The following RECK variants were observed in gnomAD, a reference collection of about 807,000 sequenced individuals.
The protein encoded by RECK is reversion inducing cysteine rich protein with kazal motifs.
RECK carries 69 observed loss-of-function variants against 115.1 expected under a neutral mutation model. The ratio of observed to expected loss-of-function variants is 0.60; its 90% confidence interval spans 0.49 to 0.73. The LOEUF is 0.73. Among genes scored for constraint, RECK ranks in the 30% least tolerant of loss-of-function variants. The probability of loss-of-function intolerance (pLI) is 0.00; values close to 1 mark genes in which losing one functional copy is unlikely to be tolerated. For missense variants in RECK, 1,047 were observed against 1,203.7 expected (o/e 0.87, Z 1.93); for synonymous variants, 414 against 419.7 (o/e 0.99, Z 0.17).
chr9:36,117,141 A>G lies in RECK; in HGVS notation c.2217A>G (p.Gln739=). 1.2e-6 allele frequency: 2 copies of G among 1,613,222 alleles called. No individual in the cohort carries two copies. Among genetic ancestry groups the G allele is most frequent in the Non-Finnish European group, 1.7e-6 (2 of 1,179,442 alleles). The change falls in exon 17 of 21, where the codon CAA becomes CAG. Residue 739 remains glutamine, a synonymous_variant. Coordinates refer to ENST00000377966, the MANE Select transcript of RECK (RefSeq NM_021111.3). The part of the protein sequence containing the change: ...MEHNNLCTLY[Q]RGKSLSYKGP... ...ACAACAATCTCTGCACTTTATACCAAAGAGGAAAAAGCCTCTCTTACAAAG... is the reference window on the plus strand; with the variant it reads ...ACAACAATCTCTGCACTTTATACCAGAGAGGAAAAAGCCTCTCTTACAAAG...
rs1018798695 is a variant in RECK, at chr9:36,118,927, T to G, written c.2424T>G (p.Pro808=). The G allele has an allele frequency of 1.2e-6, 2 of 1,613,090 alleles. No homozygotes were observed. The highest frequency in any genetic ancestry group is 1.3e-5 in the African/African-American group (1 of 74,888). The change falls in exon 18 of 21, where the codon CCT becomes CCG. Residue 808 remains proline (P), a synonymous_variant. Transcript: ENST00000377966. ...CCGAGTGTGCTTCTGTCAAGTGTCCTTCGCTCTTGGCAGCTGGATGCAAAC... is the reference window on the plus strand; with the variant it reads ...CCGAGTGTGCTTCTGTCAAGTGTCCGTCGCTCTTGGCAGCTGGATGCAAAC... ...SVAECASVKC[P]SLLAAGCKPI...
At chr9:36,062,057 T>C (rs1821793359) in intron 4 of RECK, among the ~76,000 whole-genome samples, 2 of 152,168 alleles carry the variant, frequency 1.3e-5, no homozygotes, top group Admixed American at 1.3e-4. Context: ...ATGTTTTACA[T>C]AGAAGCAGCA....
At position 36,102,247 on chromosome 9, in the gene RECK, A is replaced by G. The variant is rs1330615912; in HGVS notation, c.1435+17A>G. 6.3e-7 allele frequency: 1 copy of G among 1,580,616 alleles called. No individual in the cohort carries two copies. The highest frequency in any genetic ancestry group is 2.3e-5 in the East Asian group (1 of 44,370). ...CATACCTCAGTAAGTACTTTTTTGT[A>G]TGTGTGTTTTTAGATTTCAAATACT... On this transcript the variant is annotated intron_variant, in intron 12 of 20. Transcript: ENST00000377966.
At chr9:36,083,203 C>T (rs963048304) in intron 7 of RECK, among the ~76,000 whole-genome samples, 162 bp from the exon 8 acceptor site, 2 of 152,130 alleles carry the variant, frequency 1.3e-5, no homozygotes, top group African/African-American at 2.4e-5. Context: ...TGAATGTCCC[C>T]GTGAGTATAC....
chr9:36,105,552 C>T (rs911202670), intron 13 of RECK, among the ~76,000 whole-genome samples: 1 of 152,074 alleles, frequency 6.6e-6, no homozygotes, highest in Non-Finnish European at 1.5e-5. Flanking sequence ...TAATAACAGT[C>T]TAAAACTTGA....
intron 1 of RECK, among the ~76,000 whole-genome samples, chr9:36,048,127 A>ATATATATATATATATATATATATC (rs1821143536): frequency 2.3e-4 from 1 of 4,352 alleles, no homozygotes; most frequent in East Asian, 8.3e-3. Flanking sequence ...CACAGGTTGA[A>ATATATATATATATATATATATATC]TATATATATA....
chr9:36,111,920 T>C (rs7044931), intron 15 of RECK, among the ~76,000 whole-genome samples: 13,868 of 151,362 alleles, frequency 0.092, 763 homozygotes, highest in East Asian at 0.28. Flanking sequence ...AGATGAGCTA[T>C]TCAGAGCATT....
At chr9:36,072,025 C>T (rs2132604627) in intron 6 of RECK, among the ~76,000 whole-genome samples, 1 of 152,262 alleles carries the variant, frequency 6.6e-6, no homozygotes, top group South Asian at 2.1e-4. Context: ...ATATTTTCTG[C>T]ATATAAAAGT....
intron 11 of RECK, among the ~76,000 whole-genome samples, chr9:36,101,868 G>T (rs1056282499): frequency 6.6e-6 from 1 of 152,174 alleles, no homozygotes; most frequent in African/African-American, 2.4e-5. Context: ...GTAACAGTAC[G>T]AAGAAGTGTA....
At chr9:36,116,907 T>C in intron 16 of RECK, 78 bp from the exon 17 acceptor site, 1 of 1,146,418 alleles carries the variant, frequency 8.7e-7, no homozygotes, top group South Asian at 1.4e-5. Context: ...CAGCCTCCTA[T>C]CCCTCATCTA....
intron 10 of RECK, among the ~76,000 whole-genome samples, chr9:36,098,907 G>T (rs1823459521): frequency 6.6e-6 from 1 of 152,052 alleles, no homozygotes; most frequent in Non-Finnish European, 1.5e-5. Flanking sequence ...ACTAGAGGGG[G>T]CACAAGGGTA....
intron 1 of RECK, among the ~76,000 whole-genome samples, chr9:36,051,384 C>A (rs533165997): frequency 6.6e-6 from 1 of 152,324 alleles, no homozygotes; most frequent in African/African-American, 2.4e-5. Flanking sequence ...TCCTTCCCAT[C>A]GTTGCTAGAC....
rs1821432081 is a variant in RECK at position 36,054,320 on chromosome 9, T to C, written c.159+1997T>C. Among the ~76,000 whole-genome samples, 3 of 152,202 alleles carry C rather than the reference T, an allele frequency of 2.0e-5. No individual in the cohort carries two copies. In the South Asian group the frequency reaches 6.2e-4, roughly 32 times the overall value. ...CTGTTGAATTATCAGTGAAAACCAC[T>C]ATGTGAAGATAGGGATTTGGAATTA... is the stretch of plus-strand genomic sequence containing the variant. On this transcript the variant is annotated intron_variant, in intron 2 of 20. Transcript: ENST00000377966.
At position 36,104,394 on chromosome 9, in the gene RECK, G is replaced by A. The variant is rs188934904; in HGVS notation, c.1436-749G>A. 3.6e-3 allele frequency among the ~76,000 whole-genome samples: 445 copies of A among 123,732 alleles called. 3 individuals carry two copies. The highest frequency in any genetic ancestry group is 0.013 in the African/African-American group (422 of 32,042). 81.2% of individuals were successfully genotyped at this position (123,732 alleles called of 152,430 possible). On this transcript the variant is annotated intron_variant, in intron 12 of 20. Coordinates refer to ENST00000377966, the MANE Select transcript of RECK (RefSeq NM_021111.3). Reference sequence around the variant, plus strand: ...GGAATCTTACTCTGTTGCCCAGGCTGGAGTGCAGTAGTGCAATCTCGGCTC... The same window carrying A: ...GGAATCTTACTCTGTTGCCCAGGCTAGAGTGCAGTAGTGCAATCTCGGCTC...
At position 36,121,771 on chromosome 9, in the gene RECK, G is replaced by A. The variant is rs983256789; in HGVS notation, c.2694+83G>A. Reference sequence around the variant, plus strand: ...GAGGGAGTGGGCACAAACTAGGACCGAGGAAGGATCCGTGGGTGAGGGAGT... The same window carrying A: ...GAGGGAGTGGGCACAAACTAGGACCAAGGAAGGATCCGTGGGTGAGGGAGT... On this transcript the variant is annotated intron_variant, in intron 20 of 20. Coordinates refer to ENST00000377966, the MANE Select transcript of RECK (RefSeq NM_021111.3). 7.3e-5 allele frequency: 105 copies of A among 1,437,990 alleles called. 1 individual carries two copies. The highest frequency in any genetic ancestry group is 9.4e-5 in the Non-Finnish European group (98 of 1,041,708). The allele number at this position is 1,437,990 out of a possible 1,614,324, so 89.1% of individuals were successfully genotyped here.
chr9:36,060,288 A>AT (rs374587313), intron 4 of RECK, 133 bp downstream of exon 4: 9,614 of 783,662 alleles, frequency 0.012, 195 homozygotes, highest in African/African-American at 0.087. Context: ...CAACACCTAA[A>AT]TTTTTTTTTT....
At position 36,105,295 on chromosome 9, in the gene RECK, G is replaced by C; in HGVS notation, c.1576+12G>C. Reference sequence around the variant, plus strand: ...CTTTTGTGTTCAAGGTAAGAGGTAGGTGGGTGTGAGAAGAGGATGGATAGG... The same window carrying C: ...CTTTTGTGTTCAAGGTAAGAGGTAGCTGGGTGTGAGAAGAGGATGGATAGG... On this transcript the variant is annotated intron_variant, in intron 13 of 20. Transcript: ENST00000377966. 1 of 1,613,792 alleles carries C rather than the reference G, an allele frequency of 6.2e-7. No individual in the cohort carries two copies. Among genetic ancestry groups the C allele is most frequent in the East Asian group, 2.2e-5 (1 of 44,844 alleles).
intron 12 of RECK, among the ~76,000 whole-genome samples, chr9:36,104,447 G>C (rs1823719020): frequency 7.2e-6 from 1 of 138,990 alleles, no homozygotes; most frequent in African/African-American, 2.7e-5. Context: ...CCAGGTTCAG[G>C]CCATTCTCCT....
chr9:36,057,948 A>G (rs1409841874), intron 2 of RECK, among the ~76,000 whole-genome samples: 1 of 151,990 alleles, frequency 6.6e-6, no homozygotes, highest in Admixed American at 6.6e-5. Flanking sequence ...CAAAACCACA[A>G]TGAGATACCA....
Sources: gnomAD v4.1 joint callset for allele counts (sites outside exome capture counted in the v4.1 genomes callset) on GRCh38, gnomAD v4.1.1 for gene constraint, MANE v1.5 for transcripts, NCBI Gene and HGNC (gene_info 2026-07-23, HGNC 2026-07-21) for gene names.